The following PDZRN4 variants were observed in gnomAD, a reference collection of about 807,000 sequenced individuals.
PDZRN4 encodes PDZ domain-containing RING finger protein 4.
In PDZRN4, 70 loss-of-function variants were observed where a neutral mutation model predicts 99.0. That is an observed-to-expected ratio of 0.71 (90% CI 0.58 to 0.86). The LOEUF is 0.86. Among genes scored for constraint, PDZRN4 ranks in the 40% least tolerant of loss-of-function variants. PDZRN4 has a pLI of 0.00. For missense variants in PDZRN4, 1,474 were observed against 1,331.2 expected, an observed-to-expected ratio of 1.11 and a Z score of -1.67; for synonymous variants, 551 against 501.6, an observed-to-expected ratio of 1.10 and a Z score of -1.32.
At chr12:41,336,619 G>A (rs949211895) in intron 3 of PDZRN4, among the ~76,000 whole-genome samples, 1 of 152,154 alleles carries the variant, frequency 6.6e-6, no homozygotes, top group Non-Finnish European at 1.5e-5. Context: ...TGGAGAAAGA[G>A]TAATTCACGC....
At chr12:41,381,325 T>G (rs780174657) in intron 3 of PDZRN4, among the ~76,000 whole-genome samples, 1 of 152,066 alleles carries the variant, frequency 6.6e-6, no homozygotes, top group Non-Finnish European at 1.5e-5. Context: ...TCTCTCTCTC[T>G]CTTTCTCTCT....
chr12:41,269,125 C>T (rs1017951856), intron 3 of PDZRN4, among the ~76,000 whole-genome samples: 2 of 152,158 alleles, frequency 1.3e-5, no homozygotes, highest in Non-Finnish European at 2.9e-5. Context: ...TAGGGTCCTA[C>T]AGCAAACAGA....
At chr12:41,491,198 C>T (rs1276915726) in intron 3 of PDZRN4, among the ~76,000 whole-genome samples, 1 of 152,086 alleles carries the variant, frequency 6.6e-6, no homozygotes, top group Non-Finnish European at 1.5e-5. Flanking sequence ...AGTAAGTGAA[C>T]AATTCTGTGA....
chr12:41,381,984 C>T (rs1048444717), intron 3 of PDZRN4, among the ~76,000 whole-genome samples: 4 of 152,178 alleles, frequency 2.6e-5, no homozygotes, highest in African/African-American at 9.7e-5. Context: ...ACCGTCCATG[C>T]TCTCAGTTTA....
chr12:41,249,415 T>A (rs577787324), intron 3 of PDZRN4, among the ~76,000 whole-genome samples: 1 of 152,248 alleles, frequency 6.6e-6, no homozygotes, highest in African/African-American at 2.4e-5. Context: ...GAAAATAAAT[T>A]AGTATATGGG....
chr12:41,246,672 T>C (rs1269047389), intron 3 of PDZRN4, among the ~76,000 whole-genome samples: 1 of 152,206 alleles, frequency 6.6e-6, no homozygotes, highest in Non-Finnish European at 1.5e-5. Context: ...ACAGCAACTG[T>C]TTCTGCTCTC....
chr12:41,285,811 T>C (rs1211479826), intron 3 of PDZRN4, among the ~76,000 whole-genome samples: 1 of 146,750 alleles, frequency 6.8e-6, no homozygotes. Context: ...TGAGAACATA[T>C]GGGCACAAGG....
intron 3 of PDZRN4, among the ~76,000 whole-genome samples, chr12:41,440,522 T>C (rs949298679): frequency 2.6e-5 from 4 of 152,132 alleles, no homozygotes; most frequent in African/African-American, 9.7e-5. Flanking sequence ...ACAATCAGAA[T>C]GGTGCGCTTA....
At chr12:41,479,138 A>C (rs535765824) in intron 3 of PDZRN4, among the ~76,000 whole-genome samples, 19 of 152,342 alleles carry the variant, frequency 1.2e-4, no homozygotes, top group Admixed American at 3.3e-4. Context: ...GACTTTTACC[A>C]ATGACATATT....
intron 3 of PDZRN4, among the ~76,000 whole-genome samples, chr12:41,336,908 A>C (rs969512815): frequency 1.3e-5 from 2 of 151,848 alleles, no homozygotes; most frequent in African/African-American, 4.8e-5. Context: ...TATCTCAAGC[A>C]CTGATCTTAG....
intron 3 of PDZRN4, among the ~76,000 whole-genome samples, chr12:41,327,007 C>A (rs1951713395): frequency 6.6e-6 from 1 of 152,154 alleles, no homozygotes; most frequent in Non-Finnish European, 1.5e-5. Context: ...CAATCAGTTT[C>A]TCTCCAGGTC....
At chr12:41,216,009 A>G (rs1187954853) in intron 3 of PDZRN4, among the ~76,000 whole-genome samples, 1 of 151,944 alleles carries the variant, frequency 6.6e-6, no homozygotes, top group Admixed American at 6.6e-5. Context: ...TAAAATACCT[A>G]TTACCCCTGT....
intron 3 of PDZRN4, among the ~76,000 whole-genome samples, chr12:41,392,841 T>C (rs1952218978): frequency 6.6e-6 from 1 of 152,182 alleles, no homozygotes; most frequent in South Asian, 2.1e-4. Flanking sequence ...CAAGGCAAAG[T>C]AGCCCAGATA....
At chr12:41,323,982 T>C (rs1203950750) in intron 3 of PDZRN4, among the ~76,000 whole-genome samples, 2 of 152,054 alleles carry the variant, frequency 1.3e-5, no homozygotes, top group Non-Finnish European at 2.9e-5. Context: ...CTTATTTCTT[T>C]TGAATTCTAG....
intron 3 of PDZRN4, among the ~76,000 whole-genome samples, chr12:41,271,999 T>C (rs561922645): frequency 3.4e-4 from 51 of 152,078 alleles, no homozygotes; most frequent in Non-Finnish European, 5.9e-4. Flanking sequence ...TCTATGTTTA[T>C]ATAAGCCTCT....
chr12:41,277,705 G>T (rs1411578697), intron 3 of PDZRN4, among the ~76,000 whole-genome samples: 1 of 152,158 alleles, frequency 6.6e-6, no homozygotes, highest in Non-Finnish European at 1.5e-5. Flanking sequence ...ACTGAAATAA[G>T]GTTGGTGAAC....
At chr12:41,288,876 G>T (rs566628721) in intron 3 of PDZRN4, among the ~76,000 whole-genome samples, 6 of 151,970 alleles carry the variant, frequency 3.9e-5, no homozygotes, top group East Asian at 1.9e-4. Flanking sequence ...ATTTTTCCTA[G>T]GATAACAGCA....
rs1555143733 is a variant in PDZRN4, at chr12:41,452,449, A to AAT, written c.844-54006_844-54005insTA. ...GTGAGCCTCCGTCTAAAAAAAAAAAAAAAGAAAGAAAGAAAAATTATAGTA... is the reference window on the plus strand; with the variant it reads ...GTGAGCCTCCGTCTAAAAAAAAAAAAATAAAGAAAGAAAGAAAAATTATAGTA... On this transcript the variant is annotated intron_variant, in intron 3 of 9. Transcript: ENST00000402685. Among the ~76,000 whole-genome samples the AAT allele has an allele frequency of 3.5e-5, 5 of 141,824 alleles. 1 individual carries two copies. In the East Asian group the frequency reaches 1.0e-3, roughly 29 times the overall value. 93.0% of individuals were successfully genotyped at this position (141,824 alleles called of 152,430 possible). A position where few individuals can be genotyped will look rare whatever the true frequency, so the allele number is the denominator to read the frequency against.
chr12:41,259,765 G>C (rs760768795), intron 3 of PDZRN4, among the ~76,000 whole-genome samples: 4 of 152,118 alleles, frequency 2.6e-5, no homozygotes, highest in Non-Finnish European at 5.9e-5. Flanking sequence ...GTTTAGTCTA[G>C]AGGGCTACTT....
Sources: gnomAD v4.1 joint callset for allele counts (sites outside exome capture counted in the v4.1 genomes callset) on GRCh38, gnomAD v4.1.1 for gene constraint, MANE v1.5 for transcripts, NCBI Gene and HGNC (gene_info 2026-07-23, HGNC 2026-07-21) for gene names.